Variants in PHF2 observed in about 807,000 individuals in gnomAD.
The protein encoded by PHF2 is PHD finger protein 2, also known as lysine-specific demethylase PHF2.
A neutral mutation model predicts 120.5 loss-of-function variants in PHF2; 27 were observed. The observed-to-expected ratio is 0.22, with a 90% CI of 0.17 to 0.31. The LOEUF (loss-of-function observed/expected upper bound fraction) is 0.31, where lower values mean the gene tolerates loss of function less well. Among genes scored for constraint, PHF2 ranks in the 10% least tolerant of loss-of-function variants. The probability of loss-of-function intolerance (pLI) is 1.00; values close to 1 mark genes in which losing one functional copy is unlikely to be tolerated. For synonymous variants in PHF2, 568 were observed against 592.5 expected, an observed-to-expected ratio of 0.96 and a Z score of 0.60; for missense variants, 1,024 against 1,434.8, an observed-to-expected ratio of 0.71 and a Z score of 4.63.
chr9:93,579,250 C>T (rs80067224), intron 1 of PHF2, among the ~76,000 whole-genome samples: 2,648 of 152,272 alleles, frequency 0.017, 80 homozygotes, highest in African/African-American at 0.06. Context: ...ATCTTCGTAC[C>T]GCCTGTACTG....
chr9:93,658,033 G>A (rs1826490814), intron 9 of PHF2, 112 bp from the exon 10 acceptor site: 1 of 685,610 alleles, frequency 1.5e-6, no homozygotes, highest in South Asian at 1.7e-5. Context: ...TGGGCGGAGG[G>A]AGACCTCTGG....
intron 12 of PHF2, among the ~76,000 whole-genome samples, chr9:93,662,508 A>T (rs1392924608): frequency 6.7e-6 from 1 of 149,662 alleles, no homozygotes; most frequent in East Asian, 2.0e-4. Context: ...GATGAATGGG[A>T]TGAACGAATG....
At chr9:93,599,230 T>C (rs1334698839) in intron 1 of PHF2, among the ~76,000 whole-genome samples, 1 of 152,208 alleles carries the variant, frequency 6.6e-6, no homozygotes. Flanking sequence ...CTCGGGCTGC[T>C]GCTGTGTTTA....
intron 1 of PHF2, among the ~76,000 whole-genome samples, chr9:93,599,844 A>G (rs778584644): frequency 6.6e-6 from 1 of 152,144 alleles, no homozygotes; most frequent in African/African-American, 2.4e-5. Flanking sequence ...TTGATCTGAA[A>G]CTCGTCTGAC....
intron 17 of PHF2, among the ~76,000 whole-genome samples, chr9:93,672,094 G>A (rs1826807381): frequency 9.0e-6 from 1 of 111,526 alleles, no homozygotes; most frequent in Non-Finnish European, 1.9e-5. Flanking sequence ...GTGTGGGTGT[G>A]GATGTAGGTA....
chr9:93,669,382 G>A (rs113154775), intron 17 of PHF2, among the ~76,000 whole-genome samples: 14 of 152,368 alleles, frequency 9.2e-5, no homozygotes, highest in South Asian at 4.1e-4. Context: ...GAGTGACTGC[G>A]CTCACTTAGG....
intron 12 of PHF2, among the ~76,000 whole-genome samples, chr9:93,661,469 G>T (rs907418921): frequency 6.6e-6 from 1 of 152,176 alleles, no homozygotes; most frequent in Non-Finnish European, 1.5e-5. Context: ...ATGGATGAAT[G>T]AATGAATCAG....
At chr9:93,593,917 T>G (rs1375126578) in intron 1 of PHF2, among the ~76,000 whole-genome samples, 2 of 152,246 alleles carry the variant, frequency 1.3e-5, no homozygotes, top group Non-Finnish European at 2.9e-5. Flanking sequence ...TTCTGTACAT[T>G]CCAATTTGTT....
At chr9:93,669,783 C>A (rs952076428) in intron 17 of PHF2, among the ~76,000 whole-genome samples, 1 of 152,198 alleles carries the variant, frequency 6.6e-6, no homozygotes, top group African/African-American at 2.4e-5. Flanking sequence ...TGGCAGCTTC[C>A]TCTCCCTGTC....
At chr9:93,675,143 G>C in intron 19 of PHF2, 121 bp downstream of exon 19, 1 of 782,358 alleles carries the variant, frequency 1.3e-6, no homozygotes, top group African/African-American at 1.7e-5. Context: ...CTATCCTGAG[G>C]GCTGGGCAGC....
chr9:93,587,303 A>G (rs3922729), intron 1 of PHF2, among the ~76,000 whole-genome samples: 61,795 of 125,806 alleles, frequency 0.49, 13,761 homozygotes, highest in African/African-American at 0.51. Context: ...GAGGGATGAC[A>G]GAGGAGCCCT....
chr9:93,660,732 C>T (rs1183866184), intron 12 of PHF2, among the ~76,000 whole-genome samples, 172 bp downstream of exon 12: 1 of 152,324 alleles, frequency 6.6e-6, no homozygotes, highest in South Asian at 2.1e-4. Context: ...AGAAGATGCA[C>T]TTCCTTGCCT....
At chr9:93,609,383 A>G (rs1238496348) in intron 1 of PHF2, among the ~76,000 whole-genome samples, 2 of 152,110 alleles carry the variant, frequency 1.3e-5, no homozygotes, top group East Asian at 1.9e-4. Flanking sequence ...TTCTTTCTAC[A>G]GATTCTAATT....
In PHF2 at chr9:93,667,157, G is replaced by A. The variant is rs41297181; in HGVS notation, c.2265G>A (p.Lys755=). ...TKPGRNARVK[K]ESGSSAAGIL... ...CCGGCCGCAATGCCAGAGTCAAGAA[G>A]GAGAGTGGGAGCTCGGCAGCTGGCA... Residue 755 remains lysine (K), a synonymous_variant, in exon 17 of 22, where the codon AAG becomes AAA. Transcript: ENST00000359246. 0.054 allele frequency: 87,024 copies of A among 1,613,170 alleles called. 2,791 individuals carry two copies. Among genetic ancestry groups the A allele is most frequent in the Non-Finnish European group, 0.066 (77,335 of 1,179,924 alleles).
intron 1 of PHF2, among the ~76,000 whole-genome samples, chr9:93,588,558 C>T (rs954376095): frequency 1.3e-5 from 2 of 152,150 alleles, no homozygotes; most frequent in African/African-American, 4.8e-5. Flanking sequence ...CTGAAGCTGC[C>T]CTCCCCACTC....
intron 1 of PHF2, among the ~76,000 whole-genome samples, chr9:93,627,102 G>A (rs1304831664): frequency 6.6e-6 from 1 of 152,102 alleles, no homozygotes; most frequent in Non-Finnish European, 1.5e-5. Context: ...TAGTATTGCC[G>A]TCTTAACACT....
At chr9:93,647,888 C>CA (rs35872422) in intron 4 of PHF2, among the ~76,000 whole-genome samples, 2,511 of 145,648 alleles carry the variant, frequency 0.017, 55 homozygotes, top group African/African-American at 0.053. Flanking sequence ...GATTTCATCT[C>CA]AAAAAAAAAA....
In PHF2 at chr9:93,676,724, C is replaced by T. The variant is rs773517311; in HGVS notation, c.2963C>T (p.Pro988Leu). ...TCCACCACGCCAGCCTCTACCACCC[C>T]GGCCTCCACCACCCCGGCCTCCACC... ...STSTTPASTT[P>L]ASTTPASTST... The change falls in exon 21 of 22, where the codon CCG becomes CTG. Residue 988 changes from proline (P) to leucine (L), a missense_variant. Pro to Leu is a moderately conservative substitution (Grantham distance 98, BLOSUM62 -3). Coordinates refer to ENST00000359246, the MANE Select transcript of PHF2 (RefSeq NM_005392.4). The T allele has an allele frequency of 1.7e-5, 26 of 1,559,714 alleles. No homozygotes were observed. Among genetic ancestry groups the T allele is most frequent in the Non-Finnish European group, 1.3e-5 (15 of 1,152,162 alleles).
intron 1 of PHF2, among the ~76,000 whole-genome samples, chr9:93,587,747 G>T (rs1280226108): frequency 1.3e-5 from 2 of 152,112 alleles, no homozygotes; most frequent in African/African-American, 2.4e-5. Flanking sequence ...TGGTCTGGAG[G>T]TTCTCATGGG....
Sources: allele counts gnomAD v4.1 joint callset (sites outside exome capture counted in the v4.1 genomes callset), GRCh38; gene constraint gnomAD v4.1.1; transcripts MANE v1.5; gene names NCBI Gene and HGNC (gene_info 2026-07-23, HGNC 2026-07-21).